Variants in MROH9 observed in about 807,000 individuals in gnomAD.
MROH9 encodes maestro heat like repeat family member 9, also known as maestro heat-like repeat-containing protein family member 9.
Under a neutral mutation model 98.2 loss-of-function variants are expected in MROH9, and 92 were observed. The observed-to-expected ratio is 0.94, with a 90% confidence interval of 0.79 to 1.11. MROH9 has a LOEUF of 1.11. Among genes scored for constraint, MROH9 ranks in the 50% most tolerant of loss-of-function variants. MROH9 has a pLI of 0.00. For synonymous variants in MROH9, 397 were observed against 368.9 expected (o/e 1.08, Z -0.87); for missense variants, 1,057 against 1,014.8 (o/e 1.04, Z -0.57).
At chr1:171,013,757 C>T (rs1046386781) in intron 15 of MROH9, among the ~76,000 whole-genome samples, 1 of 152,086 alleles carries the variant, frequency 6.6e-6, no homozygotes, top group Non-Finnish European at 1.5e-5. Flanking sequence ...GGTATCACCT[C>T]TTAGCATATG....
At chr1:170,948,622 T>C (rs1649426649) in intron 3 of MROH9, among the ~76,000 whole-genome samples, 1 of 152,084 alleles carries the variant, frequency 6.6e-6, no homozygotes, top group South Asian at 2.1e-4. Flanking sequence ...ACTCAAATAC[T>C]AGCCCCAAAT....
chr1:170,950,960 CT>C (rs1274879482), intron 3 of MROH9, among the ~76,000 whole-genome samples: 1 of 151,724 alleles, frequency 6.6e-6, no homozygotes, highest in Non-Finnish European at 1.5e-5. Flanking sequence ...AATTGGTTTT[CT>C]TTGTCTCTAA....
At position 170,955,954 on chromosome 1, in the gene MROH9, A is replaced by G. The variant is rs1649742410; in HGVS notation, c.73-2507A>G. 1.3e-5 allele frequency among the ~76,000 whole-genome samples: 2 copies of G among 152,212 alleles called. 1 individual carries two copies. Among genetic ancestry groups the G allele is most frequent in the South Asian group, 4.1e-4 (2 of 4,830 alleles). On this transcript the variant is annotated intron_variant, in intron 3 of 21. Transcript: ENST00000367759. ...TAGAATTTTTATAGTTTCAGGTCTT[A>G]GATTTAAGTCCTTAATCCATCTTGT... is the stretch of plus-strand genomic sequence containing the variant.
At chr1:170,967,629 G>A (rs149178471) in intron 7 of MROH9, among the ~76,000 whole-genome samples, 6 of 152,230 alleles carry the variant, frequency 3.9e-5, no homozygotes, top group Non-Finnish European at 7.4e-5. Flanking sequence ...CCTCCAGAGT[G>A]TCAGAGATTC....
At chr1:171,009,859 G>A (rs1652089217) in intron 15 of MROH9, among the ~76,000 whole-genome samples, 1 of 152,222 alleles carries the variant, frequency 6.6e-6, no homozygotes, top group East Asian at 1.9e-4. Context: ...ATGGGGCCAT[G>A]TCAAAAGGAC....
In MROH9 at chr1:170,998,208, T is replaced by C. The variant is rs1251014804; in HGVS notation, c.1530T>C (p.Tyr510=). Residue 510 remains tyrosine (Y), a synonymous_variant, in exon 15 of 22, where the codon TAT becomes TAC. Transcript: ENST00000367759. ...PQFPETLSYL[Y]KLSVEGPRRS... is the part of the protein sequence containing the mutation. ...TTCCGGAGACCCTGAGTTATCTCTATAAGCTCTCAGTAGAAGGTCCTAGAA... is the reference window on the plus strand; with the variant it reads ...TTCCGGAGACCCTGAGTTATCTCTACAAGCTCTCAGTAGAAGGTCCTAGAA... 1 of 1,613,258 alleles carries C rather than the reference T, an allele frequency of 6.2e-7. No individual in the cohort carries two copies. The highest frequency in any genetic ancestry group is 8.5e-7 in the Non-Finnish European group (1 of 1,179,476).
At position 171,064,142 on chromosome 1, in the gene MROH9, G is replaced by T; in HGVS notation, c.2388G>T (p.Gln796His). ...LLRDEDPMIK[Q>H]LAEITYDIFK... ...GAGATGAAGACCCTATGATCAAACA[G>T]TTGGCTGAAATAACCTATGATATTT... The change falls in exon 22 of 22, where the codon CAG (glutamine) becomes CAT (histidine). Residue 796 changes from glutamine (Q) to histidine (H), a missense_variant. By Grantham distance (24) the Gln-to-His change is conservative. Transcript: ENST00000367759. The T allele has an allele frequency of 6.4e-7, 1 of 1,550,464 alleles. No homozygotes were observed. The highest frequency in any genetic ancestry group is 1.2e-5 in the South Asian group (1 of 83,764).
intron 3 of MROH9, among the ~76,000 whole-genome samples, chr1:170,954,544 T>C (rs1488431070): frequency 6.6e-6 from 1 of 152,038 alleles, no homozygotes; most frequent in Non-Finnish European, 1.5e-5. Flanking sequence ...TCATATGTAG[T>C]TCCATTTTTA....
At chr1:171,038,335 T>A (rs1051778516) in intron 20 of MROH9, among the ~76,000 whole-genome samples, 1 of 152,178 alleles carries the variant, frequency 6.6e-6, no homozygotes, top group Non-Finnish European at 1.5e-5. Context: ...TTGACAAAGA[T>A]GCAAAGTTTT....
At chr1:171,039,937 T>C (rs2101857168) in intron 20 of MROH9, among the ~76,000 whole-genome samples, 1 of 152,272 alleles carries the variant, frequency 6.6e-6, no homozygotes, top group Non-Finnish European at 1.5e-5. Flanking sequence ...CATGTGATTT[T>C]TGTGGTCACT....
chr1:171,011,154 A>C (rs2101829034), intron 15 of MROH9, among the ~76,000 whole-genome samples: 1 of 152,346 alleles, frequency 6.6e-6, no homozygotes, highest in Non-Finnish European at 1.5e-5. Context: ...GAATAGAGAC[A>C]GACAGCGAGA....
intron 20 of MROH9, among the ~76,000 whole-genome samples, chr1:171,041,871 ATAG>A (rs1160126683): frequency 6.6e-6 from 1 of 151,960 alleles, no homozygotes; most frequent in African/African-American, 2.4e-5. Flanking sequence ...TTGTGGGTAC[ATAG>A]TAGGTGTATA....
intron 20 of MROH9, among the ~76,000 whole-genome samples, chr1:171,051,347 AT>A (rs1653658173): frequency 6.6e-6 from 1 of 152,178 alleles, no homozygotes; most frequent in African/African-American, 2.4e-5. Flanking sequence ...CTAAACATCC[AT>A]CAATACTAGA....
rs1161512414 is a variant in MROH9, at chr1:170,961,920, G to A, written c.319G>A (p.Glu107Lys). ...ATACCACAATATTTTAAATATATAT[G>A]AGAACATTCTTACGAGCTTGGTGTC... ...NLYHNILNIY[E>K]NILTSLVSKD... The change falls in exon 6 of 22, where the codon GAG becomes AAG. Residue 107 changes from glutamate (E) to lysine (K), a missense_variant. Physicochemically the swap from Glu to Lys is moderately conservative, Grantham distance 56. Coordinates refer to ENST00000367759, the MANE Select transcript of MROH9 (RefSeq NM_001163629.2). 1.3e-6 allele frequency: 2 copies of A among 1,533,100 alleles called. No homozygotes were observed. Among genetic ancestry groups the A allele is most frequent in the African/African-American group, 1.4e-5 (1 of 71,008 alleles). The allele number at this position is 1,533,100 out of a possible 1,614,324, so 95.0% of individuals were successfully genotyped here.
intron 9 of MROH9, 36 bp downstream of exon 9, chr1:170,983,570 TTATGTGTATGATTACTCTTAGTA>T: frequency 8.2e-7 from 1 of 1,214,878 alleles, no homozygotes; most frequent in Non-Finnish European, 1.2e-6. Flanking sequence ...GGGCTTTTGT[TTATGTGTATGATTACTCTTAGTA>T]ACAATTTATT....
chr1:170,984,979 G>A (rs1360128628), intron 9 of MROH9, among the ~76,000 whole-genome samples: 2 of 152,126 alleles, frequency 1.3e-5, no homozygotes, highest in African/African-American at 2.4e-5. Flanking sequence ...CATGGAAGCT[G>A]GAAGCAAAGC....
intron 15 of MROH9, 27 bp downstream of exon 15, chr1:170,998,301 G>A (rs747320391): frequency 1.9e-6 from 3 of 1,613,396 alleles, no homozygotes; most frequent in South Asian, 1.1e-5. Context: ...GTGAACAGCT[G>A]TGTTCTCATT....
intron 20 of MROH9, among the ~76,000 whole-genome samples, chr1:171,029,098 A>T (rs1313444901): frequency 6.6e-6 from 1 of 152,212 alleles, no homozygotes; most frequent in East Asian, 1.9e-4. Flanking sequence ...CAGTTTTCAA[A>T]GGGAATGTTT....
intron 6 of MROH9, 111 bp downstream of exon 6, chr1:170,962,087 T>A (rs987577297): frequency 3.2e-6 from 2 of 616,642 alleles, no homozygotes; most frequent in African/African-American, 2.0e-5. Flanking sequence ...ATTTGATGAC[T>A]GAAAGTTTTT....
Sources: allele counts gnomAD v4.1 joint callset (sites outside exome capture counted in the v4.1 genomes callset), GRCh38; gene constraint gnomAD v4.1.1; transcripts MANE v1.5; gene names NCBI Gene and HGNC (gene_info 2026-07-23, HGNC 2026-07-21).